The following FBN1 variants were observed in gnomAD, a reference collection of about 807,000 sequenced individuals.
FBN1 encodes fibrillin 1.
FBN1 carries 29 observed loss-of-function variants against 365.1 expected under a neutral mutation model. The observed-to-expected ratio is 0.08, with a 90% CI of 0.06 to 0.11. FBN1 has a LOEUF of 0.11. Ranked by LOEUF, FBN1 falls within the 10% of genes least tolerant of loss-of-function variation. The probability of loss-of-function intolerance (pLI) is 1.00; values close to 1 mark genes in which losing one functional copy is unlikely to be tolerated. For missense variants in FBN1, 2,476 were observed against 3,703.2 expected (o/e 0.67, Z 8.60); for synonymous variants, 1,210 against 1,270.5 (o/e 0.95, Z 1.01).
intron 53 of FBN1, among the ~76,000 whole-genome samples, chr15:48,436,435 T>C (rs1410966135): frequency 6.6e-6 from 1 of 152,112 alleles, no homozygotes; most frequent in Non-Finnish European, 1.5e-5. Context: ...CTAAATATGA[T>C]CCTTGGATTT....
intron 63 of FBN1, among the ~76,000 whole-genome samples, chr15:48,418,798 C>T (rs1225384146): frequency 6.6e-6 from 1 of 152,196 alleles, no homozygotes; most frequent in East Asian, 1.9e-4. Flanking sequence ...ACTCTGTCCT[C>T]TAAAATCAAA....
chr15:48,468,961 G>A (rs950595394), intron 36 of FBN1, among the ~76,000 whole-genome samples: 15 of 151,316 alleles, frequency 9.9e-5, no homozygotes, highest in Admixed American at 4.6e-4. Flanking sequence ...CCAGCTACTC[G>A]GGAGGCTGAG....
chr15:48,449,037 T>C lies in FBN1; in HGVS notation c.5546-144A>G, dbSNP rs368362829. ...ATATTTATTTTTGCATCAAAATGGA[T>C]TAAAACTTACTCTCATTTACCAGGC... On this transcript the variant is annotated intron_variant, in intron 45 of 65. Coordinates refer to ENST00000316623, the MANE Select transcript of FBN1 (RefSeq NM_000138.5). 2.5e-5 allele frequency: 18 copies of C among 716,966 alleles called. 1 individual carries two copies. Among genetic ancestry groups the C allele is most frequent in the East Asian group, 2.3e-4 (8 of 35,176 alleles). The allele number at this position is 716,966 out of a possible 1,614,324, so 44.4% of individuals were successfully genotyped here. A position where few individuals can be genotyped will look rare whatever the true frequency, so the allele number is the denominator to read the frequency against.
intron 42 of FBN1, among the ~76,000 whole-genome samples, chr15:48,462,260 G>A (rs1054622385): frequency 2.5e-4 from 38 of 152,006 alleles, no homozygotes; most frequent in African/African-American, 7.7e-4. Flanking sequence ...GGCAAATGAT[G>A]TCATCATCAT....
intron 42 of FBN1, 141 bp downstream of exon 42, chr15:48,462,941 T>A: frequency 2.4e-6 from 2 of 822,522 alleles, no homozygotes; most frequent in Non-Finnish European, 4.1e-6. Flanking sequence ...GCACCAACTG[T>A]GAATTTAAAT....
chr15:48,610,654 C>A, intron 4 of FBN1, 74 bp downstream of exon 4: 1 of 1,195,006 alleles, frequency 8.4e-7, no homozygotes, highest in Non-Finnish European at 1.2e-6. Context: ...AGAGGAAAGC[C>A]AAAATCAAAT....
chr15:48,436,934 T>A (rs763617452), intron 53 of FBN1, 27 bp downstream of exon 53: 2 of 1,354,210 alleles, frequency 1.5e-6, no homozygotes, highest in Non-Finnish European at 1.1e-6. Flanking sequence ...TTTGTAAAGT[T>A]CCTATGGAAG....
Position 48,644,815 on chromosome 15 carries a change from G to GGCTCGGTCTGCGGCCGCC in FBN1, c.-64_-47dup. On this transcript the variant is annotated 5_prime_UTR_variant, in exon 2 of 66. Coordinates refer to ENST00000316623, the MANE Select transcript of FBN1 (RefSeq NM_000138.5). ...TCCCGCCGCCTCTTGCCGCGCCCGG[G>GGCTCGGTCTGCGGCCGCC]GCTCGGTCTGCGGCCGCCGCTGCGC... 6.3e-7 allele frequency: 1 copy of GGCTCGGTCTGCGGCCGCC among 1,578,974 alleles called. No individual in the cohort carries two copies. Among genetic ancestry groups the GGCTCGGTCTGCGGCCGCC allele is most frequent in the Non-Finnish European group, 8.6e-7 (1 of 1,167,380 alleles).
intron 31 of FBN1, among the ~76,000 whole-genome samples, chr15:48,482,690 T>C (rs1441860057): frequency 2.0e-5 from 3 of 152,124 alleles, no homozygotes; most frequent in Non-Finnish European, 4.4e-5. Context: ...ATGCCAGAGA[T>C]TTGCTAAGAG....
chr15:48,468,312 G>T, intron 37 of FBN1, 100 bp downstream of exon 37: 1 of 1,469,820 alleles, frequency 6.8e-7, no homozygotes, highest in Non-Finnish European at 9.5e-7. Context: ...TTAAATTTCT[G>T]TATCATTCAT....
Position 48,448,769 on chromosome 15 carries a change from C to G in FBN1, c.5670G>C (p.Leu1890Phe), listed in dbSNP as rs779227350. ...AAATAATAATAATTGCATACTTACC[C>G]AAGCACATGGTTTGGTCATCATTTG... The part of the protein sequence containing the change: ...FKTNDDQTMC[L>F]DINECERDAC... The change falls in exon 46 of 66, where the codon TTG (leucine) becomes TTC (phenylalanine). Residue 1890 changes from leucine to phenylalanine, a missense_variant and splice_region_variant. This residue lies in a region of FBN1 where 1,780 missense variants were observed against 2,840.8 expected (regional missense o/e 0.63). Coordinates refer to ENST00000316623, the MANE Select transcript of FBN1 (RefSeq NM_000138.5). 2 of 1,612,260 alleles carry G rather than the reference C, an allele frequency of 1.2e-6. No homozygotes were observed. The highest frequency in any genetic ancestry group is 1.7e-5 in the Admixed American group (1 of 59,970).
intron 6 of FBN1, among the ~76,000 whole-genome samples, chr15:48,572,626 G>GA (rs1254809219): frequency 1.3e-5 from 2 of 151,586 alleles, no homozygotes; most frequent in Non-Finnish European, 2.9e-5. Context: ...ATCTTGGAGA[G>GA]AAAGTGTACA....
Position 48,534,209 on chromosome 15 carries a change from TCAGATTA to T in FBN1, c.737-11_737-5del. 6.2e-7 allele frequency: 1 copy of T among 1,611,496 alleles called. No individual in the cohort carries two copies. Among genetic ancestry groups the T allele is most frequent in the Non-Finnish European group, 8.5e-7 (1 of 1,179,266 alleles). ...ATGGCCTGGCATTCATCCACATCTG[TCAGATTA>T]CAGAAGACAGAGAGAAAAAAAAAAA... On this transcript the variant is annotated splice_polypyrimidine_tract_variant and splice_region_variant and intron_variant, in intron 7 of 65. Transcript: ENST00000316623.
chr15:48,568,057 A>AAAGAAAGAAAGAAAG (rs1597609780), intron 6 of FBN1, among the ~76,000 whole-genome samples: 13 of 113,010 alleles, frequency 1.2e-4, no homozygotes, highest in Admixed American at 2.7e-4. Context: ...AAGAAGAAAG[A>AAAGAAAGAAAGAAAG]AAGAAAGAAA....
At chr15:48,470,547 C>T (rs879563039) in intron 36 of FBN1, 87 bp downstream of exon 36, 88 of 1,572,454 alleles carry the variant, frequency 5.6e-5, no homozygotes, top group East Asian at 1.1e-4. Flanking sequence ...TCTTCTGTGA[C>T]GGCCCTTGTG....
At chr15:48,477,559 T>C (rs2043430256) in intron 32 of FBN1, among the ~76,000 whole-genome samples, 2 of 152,196 alleles carry the variant, frequency 1.3e-5, no homozygotes, top group Non-Finnish European at 2.9e-5. Flanking sequence ...CATTCATTAA[T>C]TGTTTCTGTG....
chr15:48,514,208 G>A (rs1160641827), intron 12 of FBN1, among the ~76,000 whole-genome samples: 3 of 152,172 alleles, frequency 2.0e-5, no homozygotes, highest in African/African-American at 7.2e-5. Flanking sequence ...CAGTCACTTA[G>A]AATTATCAGT....
intron 6 of FBN1, among the ~76,000 whole-genome samples, chr15:48,563,437 A>G (rs955152984): frequency 1.1e-4 from 17 of 152,054 alleles, no homozygotes; most frequent in Admixed American, 5.9e-4. Context: ...GGGAGGAGGG[A>G]AAAAAACCCT....
chr15:48,431,124 G>A (rs933166752), intron 55 of FBN1, among the ~76,000 whole-genome samples: 17 of 151,758 alleles, frequency 1.1e-4, no homozygotes, highest in Non-Finnish European at 1.8e-4. Flanking sequence ...TTTTGAAAGA[G>A]TCTCTCTCTG....
Sources: allele counts gnomAD v4.1 joint callset (sites outside exome capture counted in the v4.1 genomes callset), GRCh38; gene constraint gnomAD v4.1.1; regional missense constraint gnomAD v4.1.1; transcripts MANE v1.5; gene names NCBI Gene and HGNC (gene_info 2026-07-23, HGNC 2026-07-21).